ZCCHC17: variants seen among roughly 807,000 people sequenced by gnomAD.
ZCCHC17 encodes the protein zinc finger CCHC-type containing 17, also known as zinc finger CCHC domain-containing protein 17.
ZCCHC17 carries 18 observed loss-of-function variants against 30.6 expected under a neutral mutation model. The ratio of observed to expected loss-of-function variants is 0.59; its 90% CI spans 0.41 to 0.87. The LOEUF (loss-of-function observed/expected upper bound fraction) is 0.87. Ranked by LOEUF, ZCCHC17 falls within the 40% of genes least tolerant of loss-of-function variation. The pLI is 0.00. For synonymous variants in ZCCHC17, 88 were observed against 92.4 expected, an observed-to-expected ratio of 0.95 and a Z score of 0.27; for missense variants, 263 against 284.2, an observed-to-expected ratio of 0.93 and a Z score of 0.54.
At chr1:31,358,034 G>A (rs951926389) in intron 7 of ZCCHC17, among the ~76,000 whole-genome samples, 31 of 152,044 alleles carry the variant, frequency 2.0e-4, no homozygotes, top group South Asian at 2.1e-4. Flanking sequence ...GATTACAGGC[G>A]TGAGCCACCG....
chr1:31,325,462 G>GT (rs1638298814), intron 3 of ZCCHC17, among the ~76,000 whole-genome samples: 1 of 152,216 alleles, frequency 6.6e-6, no homozygotes, highest in African/African-American at 2.4e-5. Context: ...GTTCCCCAGA[G>GT]TCCACAGTGG....
At chr1:31,318,206 A>G in intron 2 of ZCCHC17, 1 of 1,535,322 alleles carries the variant, frequency 6.5e-7, no homozygotes, top group Non-Finnish European at 8.7e-7. Context: ...TGAAGCAGCT[A>G]ATTGAAGACA....
intron 3 of ZCCHC17, among the ~76,000 whole-genome samples, chr1:31,330,380 C>T (rs992401813): frequency 6.6e-6 from 1 of 152,112 alleles, no homozygotes; most frequent in African/African-American, 2.4e-5. Flanking sequence ...GTTTATTGAA[C>T]TTGATGATGG....
At chr1:31,359,337 G>A (rs1639773943) in intron 7 of ZCCHC17, among the ~76,000 whole-genome samples, 1 of 151,906 alleles carries the variant, frequency 6.6e-6, no homozygotes, top group South Asian at 2.1e-4. Context: ...CTAATATGGT[G>A]AAACCCCGAC....
At chr1:31,351,232 C>A (rs1639458482) in intron 7 of ZCCHC17, among the ~76,000 whole-genome samples, 1 of 152,214 alleles carries the variant, frequency 6.6e-6, no homozygotes, top group Admixed American at 6.5e-5. Context: ...CATCCCACAT[C>A]TAGTCAGTCA....
At chr1:31,298,347 T>C (rs1646218437) in intron 1 of ZCCHC17, among the ~76,000 whole-genome samples, 1 of 151,774 alleles carries the variant, frequency 6.6e-6, no homozygotes, top group South Asian at 2.1e-4. Context: ...TCAAGCTGGA[T>C]AGGGAACACT....
Position 31,310,047 on chromosome 1 carries a change from A to G in ZCCHC17, c.-52A>G. The G allele has an allele frequency of 1.3e-6, 2 of 1,567,464 alleles. No homozygotes were observed. Among genetic ancestry groups the G allele is most frequent in the Non-Finnish European group, 8.8e-7 (1 of 1,142,684 alleles). On this transcript the variant is annotated 5_prime_UTR_variant, in exon 2 of 8. Coordinates refer to ENST00000344147, the MANE Select transcript of ZCCHC17 (RefSeq NM_016505.4). ...GTGTCTGATTTCTTTATGACAGGAC[A>G]CTTGTATTAGCTTTAATAGAAGAGA...
intron 5 of ZCCHC17, among the ~76,000 whole-genome samples, chr1:31,345,748 A>T (rs952548483): frequency 6.6e-6 from 1 of 150,990 alleles, no homozygotes; most frequent in Non-Finnish European, 1.5e-5. Context: ...GCATATCTTC[A>T]TATGGCGGCA....
At chr1:31,325,360 G>A (rs1638295695) in intron 3 of ZCCHC17, among the ~76,000 whole-genome samples, 1 of 152,246 alleles carries the variant, frequency 6.6e-6, no homozygotes, top group African/African-American at 2.4e-5. Flanking sequence ...TGAAAGAGCT[G>A]TAACAGATCC....
At position 31,298,388 on chromosome 1, in the gene ZCCHC17, T is replaced by G. The variant is rs1200809096; in HGVS notation, c.-56+1313T>G. ...ATGATTAGAGACCAGTTTTTTTTTG[T>G]TTTTTTTTTTTTTTTGAGACAGGTT... On this transcript the variant is annotated intron_variant, in intron 1 of 7. Transcript: ENST00000344147. Among the ~76,000 whole-genome samples, 80 of 103,418 alleles carry G rather than the reference T, an allele frequency of 7.7e-4. 1 individual carries two copies. Among genetic ancestry groups the G allele is most frequent in the African/African-American group, 1.8e-3 (42 of 23,822 alleles). 67.8% of individuals were successfully genotyped at this position (103,418 alleles called of 152,430 possible). A position where few individuals can be genotyped will look rare whatever the true frequency, so the allele number is the denominator to read the frequency against.
chr1:31,304,642 C>T (rs1646406160), intron 1 of ZCCHC17, among the ~76,000 whole-genome samples: 2 of 150,732 alleles, frequency 1.3e-5, no homozygotes. Context: ...GTCGCCCAGG[C>T]TGGAGTACAA....
intron 5 of ZCCHC17, among the ~76,000 whole-genome samples, chr1:31,345,571 T>TAATATATATATATATATAATATAATAC (rs1448360295): frequency 9.4e-6 from 1 of 106,392 alleles, no homozygotes; most frequent in African/African-American, 3.6e-5. Flanking sequence ...TAATATAATA[T>TAATATATATATATATATAATATAATAC]ATATATATAT....
chr1:31,355,374 A>T (rs558808446), intron 7 of ZCCHC17, among the ~76,000 whole-genome samples: 2 of 152,150 alleles, frequency 1.3e-5, no homozygotes, highest in African/African-American at 4.8e-5. Context: ...TTTATGCCTC[A>T]TATTTGTTTA....
intron 3 of ZCCHC17, among the ~76,000 whole-genome samples, chr1:31,323,507 G>C (rs61780100): frequency 0.02 from 3,095 of 152,130 alleles, 42 homozygotes; most frequent in Non-Finnish European, 0.031. Flanking sequence ...ATTTTTAGTA[G>C]AGTCAGGGTT....
At chr1:31,319,328 G>A (rs146224678) in intron 3 of ZCCHC17, among the ~76,000 whole-genome samples, 162 bp downstream of exon 3, 147 of 152,158 alleles carry the variant, frequency 9.7e-4, no homozygotes, top group Middle Eastern at 3.4e-3. Flanking sequence ...TTCATTTTTA[G>A]CGGGCAGAGA....
At chr1:31,319,652 T>C (rs148400824) in intron 3 of ZCCHC17, among the ~76,000 whole-genome samples, 3 of 152,336 alleles carry the variant, frequency 2.0e-5, no homozygotes, top group African/African-American at 7.2e-5. Flanking sequence ...TATAATCTTA[T>C]TTATTTACCA....
chr1:31,332,656 T>C (rs1294831236), intron 3 of ZCCHC17, among the ~76,000 whole-genome samples: 5 of 151,026 alleles, frequency 3.3e-5, no homozygotes, highest in African/African-American at 4.9e-5. Flanking sequence ...GTGTATTTCT[T>C]TTTTTTTTGA....
intron 5 of ZCCHC17, among the ~76,000 whole-genome samples, chr1:31,343,947 T>C (rs1639146334): frequency 7.0e-6 from 1 of 143,770 alleles, no homozygotes. Context: ...CTCCACCTCC[T>C]GGGTTCAAGC....
intron 7 of ZCCHC17, among the ~76,000 whole-genome samples, chr1:31,355,542 A>G (rs1262308437): frequency 6.6e-6 from 1 of 152,240 alleles, no homozygotes; most frequent in Non-Finnish European, 1.5e-5. Context: ...AGTCACACAA[A>G]TATAAGAGAT....
Sources: allele counts gnomAD v4.1 joint callset (sites outside exome capture counted in the v4.1 genomes callset), GRCh38; gene constraint gnomAD v4.1.1; transcripts MANE v1.5; gene names NCBI Gene and HGNC (gene_info 2026-07-23, HGNC 2026-07-21).